MAP3K14: variants seen among roughly 807,000 people sequenced by gnomAD.
The protein encoded by MAP3K14 is mitogen-activated protein kinase kinase kinase 14.
In MAP3K14, 16 loss-of-function variants were observed where a neutral mutation model predicts 99.2. That is an observed-to-expected ratio of 0.16 (90% CI 0.11 to 0.24). The LOEUF is 0.24. Ranked by LOEUF, MAP3K14 falls within the 10% of genes least tolerant of loss-of-function variation. The probability of loss-of-function intolerance (pLI) is 1.00; values close to 1 mark genes in which losing one functional copy is unlikely to be tolerated. For missense variants in MAP3K14, 784 were observed against 1,208.7 expected (o/e 0.65, Z 5.21); for synonymous variants, 462 against 492.4 (o/e 0.94, Z 0.82).
Position 45,284,815 on chromosome 17 carries a change from TTTGACA to T in MAP3K14, c.1281_1286del (p.Val428_Lys429del). Reference sequence around the variant, plus strand: ...CAGCCCCTGAGCCCTGGCGTACCTTTTTGACAGCGCACTGGAAGCCAGTCTGCTTGT... The same window carrying T: ...CAGCCCCTGAGCCCTGGCGTACCTTTGCGCACTGGAAGCCAGTCTGCTTGT... On this transcript the variant is annotated inframe_deletion, in exon 6 of 16. Coordinates refer to ENST00000344686, the MANE Select transcript of MAP3K14 (RefSeq NM_003954.5). The T allele has an allele frequency of 6.3e-7, 1 of 1,594,644 alleles. No individual in the cohort carries two copies. Among genetic ancestry groups the T allele is most frequent in the Non-Finnish European group, 8.5e-7 (1 of 1,171,016 alleles).
Position 45,264,586 on chromosome 17 carries a change from G to A in MAP3K14, c.*50C>T, listed in dbSNP as rs533520751. 1.4e-5 allele frequency: 22 copies of A among 1,518,014 alleles called. No individual in the cohort carries two copies. In the South Asian group the frequency reaches 1.5e-4, roughly 10 times the overall value. 94.0% of individuals were successfully genotyped at this position (1,518,014 alleles called of 1,614,324 possible). A position where few individuals can be genotyped will look rare whatever the true frequency, so the allele number is the denominator to read the frequency against. Reference sequence around the variant, plus strand: ...GTGTTTCAGGGCAGCATCGTGCACCGAGCAGGAAGGCTGCTTCCGGCAGTG... The same window carrying A: ...GTGTTTCAGGGCAGCATCGTGCACCAAGCAGGAAGGCTGCTTCCGGCAGTG... On this transcript the variant is annotated 3_prime_UTR_variant, in exon 16 of 16. Coordinates refer to ENST00000344686, the MANE Select transcript of MAP3K14 (RefSeq NM_003954.5).
chr17:45,273,631 A>G (rs767576055), intron 8 of MAP3K14, 24 bp from the exon 9 acceptor site: 36 of 1,580,480 alleles, frequency 2.3e-5, no homozygotes, highest in East Asian at 4.5e-5. Context: ...CCGGGGAGGA[A>G]GAGGAACAGG....
intron 6 of MAP3K14, among the ~76,000 whole-genome samples, chr17:45,282,766 G>A (rs1372524534): frequency 1.3e-5 from 2 of 152,122 alleles, no homozygotes; most frequent in East Asian, 3.9e-4. Flanking sequence ...TGTGCAGCCT[G>A]ACCTCTGATG....
At chr17:45,273,791 G>A in intron 8 of MAP3K14, 184 bp from the exon 9 acceptor site, 1 of 685,044 alleles carries the variant, frequency 1.5e-6, no homozygotes, top group Non-Finnish European at 2.7e-6. Flanking sequence ...TCAGGCTAGA[G>A]GTAGGCAGGA....
intron 1 of MAP3K14, among the ~76,000 whole-genome samples, chr17:45,316,078 CA>C (rs1429190475): frequency 6.6e-6 from 1 of 152,210 alleles, no homozygotes; most frequent in Non-Finnish European, 1.5e-5. Flanking sequence ...CTCCAGCGAT[CA>C]AAAGTAGTTT....
chr17:45,297,003 G>A (rs1169635584), intron 1 of MAP3K14, among the ~76,000 whole-genome samples: 1 of 152,180 alleles, frequency 6.6e-6, no homozygotes, highest in Non-Finnish European at 1.5e-5. Flanking sequence ...AACTCTATCT[G>A]CCTTGTTAAT....
chr17:45,302,199 GA>G (rs951615508), intron 1 of MAP3K14, among the ~76,000 whole-genome samples: 11 of 151,692 alleles, frequency 7.3e-5, no homozygotes, highest in African/African-American at 2.7e-4. Flanking sequence ...GGGTGCCATT[GA>G]AAAGCATGAG....
At chr17:45,268,014 A>G (rs1480491789) in intron 11 of MAP3K14, 1 of 444,152 alleles carries the variant, frequency 2.3e-6, no homozygotes, top group Non-Finnish European at 4.0e-6. Flanking sequence ...TCTAGGTATC[A>G]GTAGCAAATT....
chr17:45,267,910 G>A lies in MAP3K14; in HGVS notation c.1973-151C>T. ...CCACCATGGGAGGTGGCTCCAGAGG[G>A]CAGCATGGTGGTCTCCACAGGAGAC... On this transcript the variant is annotated intron_variant, in intron 11 of 15. Coordinates refer to ENST00000344686, the MANE Select transcript of MAP3K14 (RefSeq NM_003954.5). This position sits in a 1 kb window ranked among gnomAD's most constrained non-coding sequence, Gnocchi z 5.1. The A allele has an allele frequency of 1.5e-6, 1 of 652,974 alleles. No homozygotes were observed. The highest frequency in any genetic ancestry group is 2.7e-5 in the East Asian group (1 of 36,574). The allele number at this position is 652,974 out of a possible 1,614,324, so 40.4% of individuals were successfully genotyped here. A position where few individuals can be genotyped will look rare whatever the true frequency, so the allele number is the denominator to read the frequency against.
chr17:45,272,188 A>G lies in MAP3K14; in HGVS notation c.1658-967T>C, dbSNP rs1417798730. Reference sequence around the variant, plus strand: ...AAAAAACATAAAAATTGAGCCGGACATGGTGGTACATGCTGTGGTCCCAGC... The same window carrying G: ...AAAAAACATAAAAATTGAGCCGGACGTGGTGGTACATGCTGTGGTCCCAGC... On this transcript the variant is annotated intron_variant, in intron 9 of 15. Transcript: ENST00000344686. The surrounding 1 kb of genome is among the most constrained non-coding windows in gnomAD (Gnocchi z 4.1). Among the ~76,000 whole-genome samples the G allele has an allele frequency of 6.6e-6, 1 of 152,052 alleles. No homozygotes were observed. The highest frequency in any genetic ancestry group is 1.5e-5 in the Non-Finnish European group (1 of 68,010).
rs2044214206 is a variant in MAP3K14 at position 45,280,552 on chromosome 17, G to A, written c.1290+4260C>T. Among the ~76,000 whole-genome samples the A allele has an allele frequency of 3.3e-5, 5 of 152,044 alleles. No individual in the cohort carries two copies. In the South Asian group the frequency reaches 1.0e-3, roughly 32 times the overall value. On this transcript the variant is annotated intron_variant, in intron 6 of 15. Coordinates refer to ENST00000344686, the MANE Select transcript of MAP3K14 (RefSeq NM_003954.5). ...ACTCCCGACCTCAGGTGATTCACCC[G>A]CCTCGGCCTCTCAAAGTGCTGGGAT...
chr17:45,289,337 G>T lies in MAP3K14; in HGVS notation c.257-32C>A, dbSNP rs375280959. The T allele has an allele frequency of 1.6e-5, 25 of 1,583,996 alleles. No homozygotes were observed. In the East Asian group the frequency reaches 4.7e-4, roughly 30 times the overall value. On this transcript the variant is annotated intron_variant, in intron 2 of 15. Coordinates refer to ENST00000344686, the MANE Select transcript of MAP3K14 (RefSeq NM_003954.5). Reference sequence around the variant, plus strand: ...CAAAAGGAGTTGGATTAGCAGAGAGGAGAAAAAATAGGAATTTAGCACTTA... The same window carrying T: ...CAAAAGGAGTTGGATTAGCAGAGAGTAGAAAAAATAGGAATTTAGCACTTA...
intron 6 of MAP3K14, among the ~76,000 whole-genome samples, chr17:45,283,343 TGGCAAGAACTC>T (rs749013139): frequency 2.0e-5 from 3 of 152,216 alleles, no homozygotes; most frequent in African/African-American, 4.8e-5. Context: ...TGATCCACAC[TGGCAAGAACTC>T]GGCAAGAACT....
chr17:45,308,829 G>T (rs950603888), intron 1 of MAP3K14, among the ~76,000 whole-genome samples: 3 of 151,980 alleles, frequency 2.0e-5, no homozygotes, highest in Non-Finnish European at 4.4e-5. Flanking sequence ...CAACACACCT[G>T]GCTAATTTTT....
intron 6 of MAP3K14, among the ~76,000 whole-genome samples, chr17:45,278,127 A>G (rs1006731369): frequency 3.3e-5 from 5 of 152,226 alleles, no homozygotes; most frequent in Non-Finnish European, 7.3e-5. Context: ...TGACTGAGAT[A>G]TTAACAGGGC....
At chr17:45,269,452 T>C (rs1269443249) in intron 11 of MAP3K14, among the ~76,000 whole-genome samples, 1 of 152,224 alleles carries the variant, frequency 6.6e-6, no homozygotes, top group Non-Finnish European at 1.5e-5. Context: ...CTCTCCAAAA[T>C]GATCTCTTTC....
At chr17:45,300,063 T>C (rs530160256) in intron 1 of MAP3K14, among the ~76,000 whole-genome samples, 7 of 152,292 alleles carry the variant, frequency 4.6e-5, no homozygotes, top group Non-Finnish European at 8.8e-5. Flanking sequence ...CACTCCAGCC[T>C]GGGCAACAGA....
chr17:45,299,081 C>T (rs2867316), intron 1 of MAP3K14, among the ~76,000 whole-genome samples: 49,543 of 152,126 alleles, frequency 0.33, 8,573 homozygotes, highest in East Asian at 0.63. Context: ...AAGCGTAAGT[C>T]AGGCAGTCCC....
intron 1 of MAP3K14, among the ~76,000 whole-genome samples, chr17:45,309,242 C>T (rs2044453002): frequency 6.6e-6 from 1 of 152,332 alleles, no homozygotes; most frequent in Non-Finnish European, 1.5e-5. Context: ...GTACAAGACC[C>T]CAGGGTGAGA....
Sources: allele counts gnomAD v4.1 joint callset (sites outside exome capture counted in the v4.1 genomes callset), GRCh38; gene constraint gnomAD v4.1.1; non-coding constraint Gnocchi (gnomAD v3.1); transcripts MANE v1.5; gene names NCBI Gene and HGNC (gene_info 2026-07-23, HGNC 2026-07-21).